Variants in OPRD1 observed in about 807,000 individuals in gnomAD.
OPRD1 encodes the protein opioid receptor delta 1.
In OPRD1, 19 loss-of-function variants were observed where a neutral mutation model predicts 17.5. That is an observed-to-expected ratio of 1.09 (90% CI 0.76 to 1.60). OPRD1 has a LOEUF of 1.60. OPRD1 is among the 40% of genes most tolerant of loss of function. The pLI is 0.00. For missense variants in OPRD1, 483 were observed against 547.2 expected, an observed-to-expected ratio of 0.88 and a Z score of 1.17; for synonymous variants, 256 against 240.9, an observed-to-expected ratio of 1.06 and a Z score of -0.58.
Position 28,869,800 on chromosome 1 carries a change from G to C in OPRD1, c.*6517G>C, listed in dbSNP as rs1035924923. 2 of 152,166 alleles carry C rather than the reference G, an allele frequency of 1.3e-5. No homozygotes were observed. The highest frequency in any genetic ancestry group is 4.8e-5 in the African/African-American group (2 of 41,420). The allele number at this position is 152,166 out of a possible 1,614,324, so 9.4% of individuals were successfully genotyped here. On this transcript the variant is annotated 3_prime_UTR_variant, in exon 3 of 3. Transcript: ENST00000234961. ...CACAGGCTGAGCATTCCCTGTGCTG[G>C]GTTCTGTACCTCATCATGTTGGCAG...
At chr1:28,815,607 C>G (rs1429431884) in intron 1 of OPRD1, among the ~76,000 whole-genome samples, 1 of 152,234 alleles carries the variant, frequency 6.6e-6, no homozygotes, top group Non-Finnish European at 1.5e-5. Flanking sequence ...CTGCTGGAAA[C>G]ACCCCAAGGG....
intron 1 of OPRD1, among the ~76,000 whole-genome samples, chr1:28,853,743 T>C (rs1397162121): frequency 6.6e-6 from 1 of 150,850 alleles, no homozygotes; most frequent in African/African-American, 2.4e-5. Context: ...AAAATTTTCT[T>C]TTTTTTTTCT....
intron 1 of OPRD1, among the ~76,000 whole-genome samples, chr1:28,823,383 G>GTTTATTTATTTATTTATTTATTTATTTA (rs143622810): frequency 1.4e-5 from 2 of 139,628 alleles, no homozygotes; most frequent in African/African-American, 6.0e-5. Context: ...AATTTTATTT[G>GTTTATTTATTTATTTATTTATTTATTTA]TTTGTTTATT....
chr1:28,831,850 A>T lies in OPRD1; in HGVS notation c.227+19240A>T, dbSNP rs540519442. Reference sequence around the variant, plus strand: ...ACCATGCCTGGCTGACCTTTTTTGGATGCTGACAAGGTGGCCAGCTTTGTG... The same window carrying T: ...ACCATGCCTGGCTGACCTTTTTTGGTTGCTGACAAGGTGGCCAGCTTTGTG... On this transcript the variant is annotated intron_variant, in intron 1 of 2. Coordinates refer to ENST00000234961, the MANE Select transcript of OPRD1 (RefSeq NM_000911.4). 4.6e-5 allele frequency among the ~76,000 whole-genome samples: 7 copies of T among 152,302 alleles called. No homozygotes were observed. The East Asian group carries it at 7.7e-4, about 17-fold the overall frequency.
chr1:28,858,841 T>G, intron 1 of OPRD1, 113 bp from the exon 2 acceptor site: 1 of 1,045,476 alleles, frequency 9.6e-7, no homozygotes, highest in Non-Finnish European at 1.4e-6. Context: ...GCACCATGCC[T>G]AGCCTCCCCT....
chr1:28,857,619 C>T (rs1284530766), intron 1 of OPRD1, among the ~76,000 whole-genome samples: 3 of 152,008 alleles, frequency 2.0e-5, no homozygotes, highest in African/African-American at 7.3e-5. Flanking sequence ...AGGCACTCAC[C>T]ACCATGCCTG....
In OPRD1 at chr1:28,862,889, G is replaced by T. The variant is rs1229001519; in HGVS notation, c.725G>T (p.Ser242Ile). ...GGCCTCATGCTGCTGCGCCTGCGCA[G>T]TGTGCGCCTGCTGTCGGGCTCCAAG... is the stretch of plus-strand genomic sequence containing the variant. ...CYGLMLLRLR[S>I]VRLLSGSKEK... Residue 242 changes from serine to isoleucine, a missense_variant, in exon 3 of 3, where the codon AGT (serine) becomes ATT (isoleucine). Ser to Ile is a moderately radical substitution (Grantham distance 142, BLOSUM62 -2). Coordinates refer to ENST00000234961, the MANE Select transcript of OPRD1 (RefSeq NM_000911.4). The T allele has an allele frequency of 6.2e-7, 1 of 1,612,566 alleles. No individual in the cohort carries two copies. Among genetic ancestry groups the T allele is most frequent in the South Asian group, 1.1e-5 (1 of 91,088 alleles).
chr1:28,831,439 G>A (rs1279665813), intron 1 of OPRD1, among the ~76,000 whole-genome samples: 1 of 152,038 alleles, frequency 6.6e-6, no homozygotes, highest in African/African-American at 2.4e-5. Flanking sequence ...AACTTGGGAG[G>A]TGGAGGTTGC....
chr1:28,817,646 G>C (rs558089064), intron 1 of OPRD1, among the ~76,000 whole-genome samples: 1 of 152,330 alleles, frequency 6.6e-6, no homozygotes, highest in Admixed American at 6.5e-5. Flanking sequence ...GTGACTAGAG[G>C]TCAGGGAGCG....
chr1:28,820,934 C>T (rs1409376013), intron 1 of OPRD1, among the ~76,000 whole-genome samples: 1 of 151,698 alleles, frequency 6.6e-6, no homozygotes, highest in Non-Finnish European at 1.5e-5. Context: ...ATTTTTTTTT[C>T]TTCTACAATA....
intron 1 of OPRD1, among the ~76,000 whole-genome samples, chr1:28,827,133 A>G (rs2088774567): frequency 7.2e-6 from 1 of 137,998 alleles, no homozygotes; most frequent in Non-Finnish European, 1.6e-5. Flanking sequence ...TGTGTCTACA[A>G]AAAAATACAA....
intron 1 of OPRD1, among the ~76,000 whole-genome samples, chr1:28,848,866 T>G (rs1409167316): frequency 6.6e-6 from 1 of 152,034 alleles, no homozygotes; most frequent in Non-Finnish European, 1.5e-5. Context: ...GAGAAACAAC[T>G]GGAAGAGGAA....
chr1:28,839,658 C>A (rs1481248869), intron 1 of OPRD1, among the ~76,000 whole-genome samples: 3 of 152,114 alleles, frequency 2.0e-5, no homozygotes, highest in Admixed American at 2.0e-4. Context: ...AGGTCTCTTG[C>A]CCCCACCTTG....
At chr1:28,829,475 T>G (rs2088794413) in intron 1 of OPRD1, among the ~76,000 whole-genome samples, 1 of 149,958 alleles carries the variant, frequency 6.7e-6, no homozygotes. Flanking sequence ...TTCAAGTGAT[T>G]CTCCTGCCTC....
At chr1:28,857,236 A>T (rs2089064463) in intron 1 of OPRD1, among the ~76,000 whole-genome samples, 2 of 152,062 alleles carry the variant, frequency 1.3e-5, no homozygotes, top group South Asian at 4.2e-4. Flanking sequence ...TAGCTTATTA[A>T]ATTTTCACAG....
intron 1 of OPRD1, among the ~76,000 whole-genome samples, chr1:28,812,917 T>C (rs1221794172): frequency 6.6e-6 from 1 of 152,196 alleles, no homozygotes; most frequent in African/African-American, 2.4e-5. Flanking sequence ...TGTGTGTCTG[T>C]CACAGTTTGT....
chr1:28,836,492 A>G (rs1359549068), intron 1 of OPRD1, among the ~76,000 whole-genome samples: 1 of 142,974 alleles, frequency 7.0e-6, no homozygotes, highest in Admixed American at 7.4e-5. Context: ...CCTGGGCGAC[A>G]GAGCGAGATT....
intron 1 of OPRD1, among the ~76,000 whole-genome samples, chr1:28,849,875 CTTTT>C (rs34907861): frequency 1.7e-5 from 2 of 118,094 alleles, no homozygotes; most frequent in African/African-American, 3.2e-5. Flanking sequence ...GAGAGTCAAA[CTTTT>C]TTTTTTTTTT....
intron 1 of OPRD1, among the ~76,000 whole-genome samples, chr1:28,849,570 G>A (rs536811493): frequency 5.5e-4 from 83 of 152,256 alleles, no homozygotes; most frequent in African/African-American, 1.8e-3. Flanking sequence ...GCACACGCAC[G>A]GAGCTGCCAG....
Sources: gnomAD v4.1 joint callset for allele counts (sites outside exome capture counted in the v4.1 genomes callset) on GRCh38, gnomAD v4.1.1 for gene constraint, MANE v1.5 for transcripts, NCBI Gene and HGNC (gene_info 2026-07-23, HGNC 2026-07-21) for gene names.